The following EDA variants were observed in gnomAD, a reference collection of about 807,000 sequenced individuals.
EDA encodes the protein ectodysplasin-A.
In EDA, 2 loss-of-function variants were observed where a neutral mutation model predicts 23.6. That is an observed-to-expected ratio of 0.08 (90% CI 0.03 to 0.27). EDA has a LOEUF of 0.27. Among genes scored for constraint, EDA ranks in the 10% least tolerant of loss-of-function variants. The pLI, the probability that EDA is intolerant of heterozygous loss-of-function variation, is 1.00. For missense variants in EDA, 229 were observed against 324.2 expected, an observed-to-expected ratio of 0.71 and a Z score of 2.26; for synonymous variants, 131 against 132.0, an observed-to-expected ratio of 0.99 and a Z score of 0.05.
chrX:69,737,012 T>C (rs1338471375), intron 1 of EDA, among the ~76,000 whole-genome samples: 1 of 110,592 alleles, frequency 9.0e-6, no homozygotes, highest in Non-Finnish European at 1.9e-5. Flanking sequence ...CCTCAAGTGA[T>C]CCACCCATCT....
At chrX:69,649,848 A>T (rs775753266) in intron 1 of EDA, among the ~76,000 whole-genome samples, 5 of 111,741 alleles carry the variant, frequency 4.5e-5, no homozygotes, top group Non-Finnish European at 7.5e-5. Context: ...CGGCCTCCCA[A>T]AGTGCTGGGA....
At chrX:69,837,409 T>C (rs909498171) in intron 1 of EDA, among the ~76,000 whole-genome samples, 2 of 112,296 alleles carry the variant, frequency 1.8e-5, no homozygotes, top group Non-Finnish European at 3.8e-5. Context: ...TTTCATTGTA[T>C]TAAAGACCAG....
chrX:69,691,342 C>T (rs751586036), intron 1 of EDA, among the ~76,000 whole-genome samples: 57 of 111,920 alleles, frequency 5.1e-4, no homozygotes, highest in Non-Finnish European at 1.0e-3. Context: ...CTTTTTCTTC[C>T]ACATTATTGT....
intron 1 of EDA, among the ~76,000 whole-genome samples, chrX:69,897,555 G>T (rs1317064029): frequency 8.9e-6 from 1 of 112,045 alleles, no homozygotes; most frequent in African/African-American, 3.2e-5. Context: ...TCAATAGTCA[G>T]CTAGTTACTT....
At chrX:69,791,245 T>C (rs961520681) in intron 1 of EDA, among the ~76,000 whole-genome samples, 4 of 111,976 alleles carry the variant, frequency 3.6e-5, no homozygotes, top group African/African-American at 6.5e-5. Context: ...TTTGGAAAGG[T>C]CTGGAGATAG....
intron 1 of EDA, among the ~76,000 whole-genome samples, chrX:69,758,059 A>G (rs1473473551): frequency 8.9e-6 from 1 of 112,213 alleles, no homozygotes; most frequent in East Asian, 2.8e-4. Context: ...AGTAGGGTTT[A>G]TATTGAAATG....
chrX:70,018,556 A>G (rs2019986205), intron 2 of EDA, among the ~76,000 whole-genome samples: 1 of 111,930 alleles, frequency 8.9e-6, no homozygotes, highest in Non-Finnish European at 1.9e-5. Flanking sequence ...CTGATCTTTG[A>G]CAAAATTAAC....
At chrX:69,900,373 GAATT>G (rs2018080569) in intron 1 of EDA, among the ~76,000 whole-genome samples, 1 of 106,732 alleles carries the variant, frequency 9.4e-6, no homozygotes, top group Non-Finnish European at 1.9e-5. Context: ...TATGTTACAT[GAATT>G]AATTTAGTAG....
rs768877656 is a variant in EDA at position 70,030,844 on chromosome X, A to C, written c.793+324A>C. ...TATGTGTAGTTAGATTAATATTTTC[A>C]CAATACAAATTATAGAAAGTAAAAC... On this transcript the variant is annotated intron_variant, in intron 6 of 7. Coordinates refer to ENST00000374552, the MANE Select transcript of EDA (RefSeq NM_001399.5). Among the ~76,000 whole-genome samples, 3 of 112,693 alleles carry C rather than the reference A, an allele frequency of 2.7e-5. No homozygotes were observed. In the South Asian group the frequency reaches 1.1e-3, roughly 42 times the overall value.
At position 69,647,064 on chromosome X, in the gene EDA, A is replaced by G. The variant is rs781660133; in HGVS notation, c.396+30360A>G. On this transcript the variant is annotated intron_variant, in intron 1 of 7. Transcript: ENST00000374552. ...TAGGGTTTCTGCTGAGAGGTCTGCT[A>G]TTAGTCTGATGGTTTTCACTTTGTC... Among the ~76,000 whole-genome samples, 8 of 111,552 alleles carry G rather than the reference A, an allele frequency of 7.2e-5. No homozygotes were observed. In the South Asian group the frequency reaches 1.1e-3, roughly 16 times the overall value.
At chrX:70,034,690 C>G (rs2020241128) in intron 7 of EDA, among the ~76,000 whole-genome samples, 1 of 112,085 alleles carries the variant, frequency 8.9e-6, no homozygotes, top group Non-Finnish European at 1.9e-5. Flanking sequence ...GTGCTTCCTT[C>G]TGGCCACAAA....
chrX:69,847,155 A>G (rs1233896906), intron 1 of EDA, among the ~76,000 whole-genome samples: 1 of 111,540 alleles, frequency 9.0e-6, no homozygotes, highest in Non-Finnish European at 1.9e-5. Context: ...GAGAAGTCCC[A>G]GTCAGAAATA....
intron 2 of EDA, among the ~76,000 whole-genome samples, chrX:69,966,158 A>G (rs993498049): frequency 1.9e-4 from 21 of 112,655 alleles, no homozygotes; most frequent in African/African-American, 6.1e-4. Context: ...TTAGGGGTGG[A>G]AAAACTCATA....
At position 69,736,033 on chromosome X, in the gene EDA, G is replaced by A. The variant is rs773885646; in HGVS notation, c.396+119329G>A. Among the ~76,000 whole-genome samples, 19 of 110,763 alleles carry A rather than the reference G, an allele frequency of 1.7e-4. No individual in the cohort carries two copies. In the East Asian group the frequency reaches 2.9e-3, roughly 17 times the overall value. Reference sequence around the variant, plus strand: ...GAGAAAAAAAAAAAATAGGCTGGGCGTGGTGGCTCATGCCTATAATCCCAG... The same window carrying A: ...GAGAAAAAAAAAAAATAGGCTGGGCATGGTGGCTCATGCCTATAATCCCAG... On this transcript the variant is annotated intron_variant, in intron 1 of 7. Coordinates refer to ENST00000374552, the MANE Select transcript of EDA (RefSeq NM_001399.5).
intron 1 of EDA, chrX:69,620,783 C>A: frequency 3.1e-6 from 1 of 327,796 alleles, no homozygotes; most frequent in Non-Finnish European, 5.9e-6. Context: ...TCCATAATGC[C>A]TGACACAGTG....
chrX:69,682,319 C>T (rs1038139097), intron 1 of EDA, among the ~76,000 whole-genome samples: 5 of 112,677 alleles, frequency 4.4e-5, no homozygotes, highest in Admixed American at 9.3e-5. Context: ...CAGAGGCAGG[C>T]AGGCCTCCTT....
intron 1 of EDA, among the ~76,000 whole-genome samples, chrX:69,854,098 A>C (rs1190747964): frequency 9.0e-6 from 1 of 111,406 alleles, no homozygotes; most frequent in Non-Finnish European, 1.9e-5. Context: ...TTCGTCACTC[A>C]GGTATTAAGC....
intron 1 of EDA, chrX:69,937,058 G>T (rs778095599): frequency 6.8e-4 from 354 of 517,138 alleles, no homozygotes; most frequent in Non-Finnish European, 9.1e-4. Context: ...AGGGCGGGGG[G>T]AAGGGACTGT....
intron 1 of EDA, among the ~76,000 whole-genome samples, chrX:69,824,229 G>A (rs1309909789): frequency 4.5e-5 from 5 of 110,693 alleles, no homozygotes; most frequent in African/African-American, 6.6e-5. Context: ...TTCCAATTCT[G>A]TGAAGAAAGT....
Sources: gnomAD v4.1 joint callset for allele counts (sites outside exome capture counted in the v4.1 genomes callset) on GRCh38, gnomAD v4.1.1 for gene constraint, MANE v1.5 for transcripts, NCBI Gene and HGNC (gene_info 2026-07-23, HGNC 2026-07-21) for gene names.